Variants in INSYN2A observed in about 807,000 individuals in gnomAD.
INSYN2A encodes inhibitory synaptic factor 2A.
INSYN2A carries 17 observed loss-of-function variants against 39.4 expected under a neutral mutation model. That is an observed-to-expected ratio of 0.43 (90% CI 0.30 to 0.65). The LOEUF is 0.65. Among genes scored for constraint, INSYN2A ranks in the 30% least tolerant of loss-of-function variants. The pLI, the probability that INSYN2A is intolerant of heterozygous loss-of-function variation, is 0.14. For synonymous variants in INSYN2A, 255 were observed against 265.7 expected, an observed-to-expected ratio of 0.96 and a Z score of 0.39; for missense variants, 595 against 631.2, an observed-to-expected ratio of 0.94 and a Z score of 0.61.
At chr10:127,190,337 T>TAAAA (rs2056629287) in intron 2 of INSYN2A, among the ~76,000 whole-genome samples, 1 of 152,192 alleles carries the variant, frequency 6.6e-6, no homozygotes, top group Non-Finnish European at 1.5e-5. Flanking sequence ...TCTCACGGTG[T>TAAAA]TTCCTTTAAT....
intron 5 of INSYN2A, among the ~76,000 whole-genome samples, chr10:127,143,626 A>G (rs1337984198): frequency 3.3e-5 from 5 of 152,320 alleles, no homozygotes; most frequent in Middle Eastern, 3.4e-3. Flanking sequence ...ATTTATGTCA[A>G]CTGACATTGG....
chr10:127,174,968 G>A (rs527666470), intron 4 of INSYN2A, among the ~76,000 whole-genome samples: 63 of 152,266 alleles, frequency 4.1e-4, no homozygotes, highest in African/African-American at 1.3e-3. Flanking sequence ...TCTAAGCATA[G>A]GTATGGTTTG....
At chr10:127,145,122 G>C (rs1465080267) in intron 5 of INSYN2A, among the ~76,000 whole-genome samples, 1 of 152,036 alleles carries the variant, frequency 6.6e-6, no homozygotes, top group East Asian at 1.9e-4. Flanking sequence ...CTTACCTGTG[G>C]CACTCTCTGG....
chr10:127,188,949 G>T (rs189058815), intron 2 of INSYN2A, among the ~76,000 whole-genome samples: 65 of 152,324 alleles, frequency 4.3e-4, no homozygotes, highest in Non-Finnish European at 8.8e-4. Context: ...GGACAGCCTG[G>T]CCTGGAGCCT....
chr10:127,167,636 T>A (rs995320747), intron 4 of INSYN2A, among the ~76,000 whole-genome samples: 6 of 152,106 alleles, frequency 3.9e-5, no homozygotes, highest in Non-Finnish European at 8.8e-5. Context: ...TGGACCATGT[T>A]CCTTTCATAT....
At chr10:127,157,889 A>T (rs1016049644) in intron 4 of INSYN2A, among the ~76,000 whole-genome samples, 1 of 152,238 alleles carries the variant, frequency 6.6e-6, no homozygotes, top group African/African-American at 2.4e-5. Context: ...TGACCTTGTC[A>T]TGTGGTTAAT....
Position 127,137,771 on chromosome 10 carries a change from G to T in INSYN2A, c.*66C>A. Reference sequence around the variant, plus strand: ...AGTTCCCTCGATCCTATTCATTTTGGAAAAGTATTGACTTAAACTCCAGTG... The same window carrying T: ...AGTTCCCTCGATCCTATTCATTTTGTAAAAGTATTGACTTAAACTCCAGTG... On this transcript the variant is annotated 3_prime_UTR_variant, in exon 6 of 6. Transcript: ENST00000522781. 1 of 1,448,494 alleles carries T rather than the reference G, an allele frequency of 6.9e-7. No individual in the cohort carries two copies. The highest frequency in any genetic ancestry group is 9.4e-7 in the Non-Finnish European group (1 of 1,068,590). The allele number at this position is 1,448,494 out of a possible 1,614,324, so 89.7% of individuals were successfully genotyped here. A position where few individuals can be genotyped will look rare whatever the true frequency, so the allele number is the denominator to read the frequency against.
rs1042940080 is a variant in INSYN2A, at chr10:127,136,232, G to A, written c.*1605C>T. 2 of 152,044 alleles carry A rather than the reference G, an allele frequency of 1.3e-5. No homozygotes were observed. The highest frequency in any genetic ancestry group is 2.1e-4 in the South Asian group (1 of 4,828). 9.4% of individuals were successfully genotyped at this position (152,044 alleles called of 1,614,324 possible). Reference sequence around the variant, plus strand: ...TCTGGTTACTGATCACTAGGTCCTTGTAGAATCAAAACACTTAGAACTAAA... The same window carrying A: ...TCTGGTTACTGATCACTAGGTCCTTATAGAATCAAAACACTTAGAACTAAA... On this transcript the variant is annotated 3_prime_UTR_variant, in exon 6 of 6. Transcript: ENST00000522781.
intron 5 of INSYN2A, among the ~76,000 whole-genome samples, chr10:127,153,151 G>A (rs957258149): frequency 6.6e-6 from 1 of 152,090 alleles, no homozygotes; most frequent in African/African-American, 2.4e-5. Flanking sequence ...ATTTCTCACC[G>A]CTTTTATATT....
rs962280612 is a variant in INSYN2A at position 127,176,857 on chromosome 10, C to A, written c.-6+20G>T. The A allele has an allele frequency of 6.4e-6, 1 of 155,554 alleles. No homozygotes were observed. The highest frequency in any genetic ancestry group is 2.4e-5 in the African/African-American group (1 of 41,436). The allele number at this position is 155,554 out of a possible 1,614,324, so 9.6% of individuals were successfully genotyped here. A position where few individuals can be genotyped will look rare whatever the true frequency, so the allele number is the denominator to read the frequency against. The stretch of plus-strand genomic sequence containing the variant: ...AATCTATTGCTGGAATCTGGGAGAG[C>A]TGCTGTTTTAAAGACTTACTGGAGC... On this transcript the variant is annotated intron_variant, in intron 3 of 5. Transcript: ENST00000522781. The surrounding 1 kb of genome is among the most constrained non-coding windows in gnomAD (Gnocchi z 4.4).
chr10:127,143,615 A>G (rs2051489313), intron 5 of INSYN2A, among the ~76,000 whole-genome samples: 1 of 152,276 alleles, frequency 6.6e-6, no homozygotes. Flanking sequence ...AAAGCACAAC[A>G]ATTTATGTCA....
chr10:127,190,298 C>T (rs1418807498), intron 2 of INSYN2A, among the ~76,000 whole-genome samples: 1 of 152,120 alleles, frequency 6.6e-6, no homozygotes, highest in Non-Finnish European at 1.5e-5. Context: ...ACTGTTCAGC[C>T]CTGGAAGCCG....
chr10:127,158,832 T>C (rs1194374834), intron 4 of INSYN2A, among the ~76,000 whole-genome samples: 1 of 152,204 alleles, frequency 6.6e-6, no homozygotes, highest in Non-Finnish European at 1.5e-5. Context: ...ACAATGCATA[T>C]AGCTTGGAAA....
Position 127,175,208 on chromosome 10 carries a change from A to C in INSYN2A, c.1184+4T>G. ...CTTCCTAAGACATGGGTGAACATAC[A>C]TACCCTTCCCGATGGGCCTCTCCTT... is the stretch of plus-strand genomic sequence containing the variant. On this transcript the variant is annotated splice_donor_region_variant and intron_variant, in intron 4 of 5. Transcript: ENST00000522781. The surrounding 1 kb of genome is among the most constrained non-coding windows in gnomAD (Gnocchi z 6.3). 6.2e-7 allele frequency: 1 copy of C among 1,607,516 alleles called. No individual in the cohort carries two copies. The highest frequency in any genetic ancestry group is 1.7e-5 in the Admixed American group (1 of 59,706).
chr10:127,190,221 T>A (rs1423339224), intron 2 of INSYN2A, among the ~76,000 whole-genome samples: 1 of 152,234 alleles, frequency 6.6e-6, no homozygotes, highest in African/African-American at 2.4e-5. Context: ...AGGTTGAGTT[T>A]GGTGGTAAAG....
At chr10:127,183,361 T>C (rs1259187258) in intron 2 of INSYN2A, among the ~76,000 whole-genome samples, 1 of 152,192 alleles carries the variant, frequency 6.6e-6, no homozygotes, top group Non-Finnish European at 1.5e-5. Context: ...ACCATCAGAA[T>C]GGATCCCTCT....
chr10:127,138,826 A>G (rs2133245769), intron 5 of INSYN2A, among the ~76,000 whole-genome samples: 1 of 152,340 alleles, frequency 6.6e-6, no homozygotes, highest in South Asian at 2.1e-4. Flanking sequence ...TTCTTACAGC[A>G]TTTCTCCGAA....
Position 127,137,978 on chromosome 10 carries a change from C to T in INSYN2A, c.1299G>A (p.Pro433=), listed in dbSNP as rs570177763. The part of the protein sequence containing the change: ...DFKQQEDKLQ[P]VLRKLHPIEE... ...CAATAGGGTGGAGTTTTCTTAGAAC[C>T]GGCTGGAGTTTGTCTTCTTGCTGCT... Residue 433 remains proline, a synonymous_variant, in exon 6 of 6, where the codon CCG becomes CCA. Coordinates refer to ENST00000522781, the MANE Select transcript of INSYN2A (RefSeq NM_001039762.3). The T allele has an allele frequency of 2.0e-5, 32 of 1,613,202 alleles. No homozygotes were observed. Among genetic ancestry groups the T allele is most frequent in the African/African-American group, 1.6e-4 (12 of 74,798 alleles).
In INSYN2A at chr10:127,159,513, A is replaced by G. The variant is rs1589696439; in HGVS notation, c.1185-5590T>C. On this transcript the variant is annotated intron_variant, in intron 4 of 5. Transcript: ENST00000522781. ...CCTGAATTTTTTTGTGTGTAAATAC[A>G]CACACATACATACCTTTGTAAATTT... Among the ~76,000 whole-genome samples, 4 of 152,320 alleles carry G rather than the reference A, an allele frequency of 2.6e-5. No individual in the cohort carries two copies. The East Asian group carries it at 7.7e-4, about 29-fold the overall frequency.
Sources: gnomAD v4.1 joint callset for allele counts (sites outside exome capture counted in the v4.1 genomes callset) on GRCh38, gnomAD v4.1.1 for gene constraint, Gnocchi (gnomAD v3.1) non-coding constraint, MANE v1.5 for transcripts, NCBI Gene and HGNC (gene_info 2026-07-23, HGNC 2026-07-21) for gene names.